SCML4: variants seen among roughly 807,000 people sequenced by gnomAD.
The protein encoded by SCML4 is Scm polycomb group protein like 4, also known as sex comb on midleg-like protein 4.
Under a neutral mutation model 41.1 loss-of-function variants are expected in SCML4, and 34 were observed. That is an observed-to-expected ratio of 0.83 (90% CI 0.63 to 1.10). SCML4 has a LOEUF of 1.10. SCML4 is among the 50% of genes least tolerant of loss of function. The probability of loss-of-function intolerance (pLI) is 0.00; values close to 1 mark genes in which losing one functional copy is unlikely to be tolerated. For missense variants in SCML4, 522 were observed against 534.1 expected, an observed-to-expected ratio of 0.98 and a Z score of 0.22; for synonymous variants, 214 against 220.9, an observed-to-expected ratio of 0.97 and a Z score of 0.28.
At chr6:107,836,166 A>G in the SCML4 span, among the ~76,000 whole-genome samples, 32 of 152,176 alleles carry the variant, frequency 2.1e-4, no homozygotes, top group Non-Finnish European at 1.3e-4. Flanking sequence ...GTATTTTAGA[A>G]GAACAGAATA....
At chr6:107,705,385 T>C (rs757261818) in intron 7 of SCML4, 60 bp from the exon 8 acceptor site, 1 of 1,510,422 alleles carries the variant, frequency 6.6e-7, no homozygotes, top group Non-Finnish European at 9.0e-7. Flanking sequence ...CATCGAACAG[T>C]GGCTAAGGTT....
At chr6:107,813,568 A>G (rs1361439080) in intron 1 of SCML4, among the ~76,000 whole-genome samples, 1 of 151,606 alleles carries the variant, frequency 6.6e-6, no homozygotes, top group African/African-American at 2.4e-5. Flanking sequence ...TCTCATTTCA[A>G]TCTCTACCAA....
chr6:107,813,498 C>T (rs1053902575), intron 1 of SCML4, among the ~76,000 whole-genome samples: 1 of 147,118 alleles, frequency 6.8e-6, no homozygotes, highest in African/African-American at 2.5e-5. Flanking sequence ...TGACTGGATA[C>T]ATTTTGAAGC....
chr6:107,798,772 A>G (rs1048703869), intron 1 of SCML4, among the ~76,000 whole-genome samples: 2 of 152,052 alleles, frequency 1.3e-5, no homozygotes, highest in African/African-American at 4.8e-5. Flanking sequence ...CACATCCAAC[A>G]CATTTTAGTA....
At chr6:107,825,411 G>C (rs1353199262), upstream of SCML4, among the ~76,000 whole-genome samples, 1 of 152,206 alleles carries the variant, frequency 6.6e-6, no homozygotes, top group Non-Finnish European at 1.5e-5. Flanking sequence ...TATATGTGTA[G>C]AGTCACATTA....
At chr6:107,707,275 T>C (rs1773739731) in intron 7 of SCML4, among the ~76,000 whole-genome samples, 1 of 152,124 alleles carries the variant, frequency 6.6e-6, no homozygotes, top group African/African-American at 2.4e-5. Context: ...ACTACTGCAT[T>C]CCAGCCTGGG....
chr6:107,731,618 C>T, intron 5 of SCML4, among the ~76,000 whole-genome samples: 1 of 152,212 alleles, frequency 6.6e-6, no homozygotes, highest in East Asian at 1.9e-4. Flanking sequence ...TGCCTGACCC[C>T]TTTGCCGGTC....
chr6:107,751,133 T>A (rs1046139484), intron 2 of SCML4, among the ~76,000 whole-genome samples: 17 of 152,208 alleles, frequency 1.1e-4, no homozygotes, highest in Middle Eastern at 3.4e-3. Context: ...TGATATTCTG[T>A]TGGGGGGAGA....
chr6:107,795,672 C>T (rs554197696), intron 1 of SCML4, among the ~76,000 whole-genome samples: 70 of 152,204 alleles, frequency 4.6e-4, no homozygotes, highest in African/African-American at 1.4e-3. Flanking sequence ...GGGTTACAGG[C>T]GCGCACCACC....
In SCML4 at chr6:107,763,531, C is replaced by T. The variant is rs576243669; in HGVS notation, c.156+8641G>A. Among the ~76,000 whole-genome samples the T allele has an allele frequency of 1.7e-4, 26 of 152,150 alleles. No individual in the cohort carries two copies. The South Asian group carries it at 5.2e-3, about 30-fold the overall frequency. On this transcript the variant is annotated intron_variant, in intron 2 of 7. Transcript: ENST00000369020. ...CCTCCCAAGTAGCTGGGATTATGGG[C>T]ACCCGCCACCACACCCAGCTAATTT... is the stretch of plus-strand genomic sequence containing the variant.
intron 5 of SCML4, among the ~76,000 whole-genome samples, chr6:107,742,003 T>C (rs1345645950): frequency 6.6e-6 from 1 of 152,140 alleles, no homozygotes; most frequent in South Asian, 2.1e-4. Context: ...TTCAAAATAG[T>C]AGTTTTAAGG....
chr6:107,729,907 A>G (rs970595809), intron 5 of SCML4, among the ~76,000 whole-genome samples: 1 of 152,190 alleles, frequency 6.6e-6, no homozygotes, highest in African/African-American at 2.4e-5. Flanking sequence ...AGATTTTACA[A>G]TCTCCTTTAG....
chr6:107,754,940 T>C (rs1041251537), intron 2 of SCML4, among the ~76,000 whole-genome samples: 12 of 152,046 alleles, frequency 7.9e-5, no homozygotes, highest in Non-Finnish European at 1.8e-4. Context: ...TCTTTTGTAC[T>C]AAAAATTTTA....
intron 2 of SCML4, among the ~76,000 whole-genome samples, chr6:107,759,394 G>A (rs1213557428): frequency 2.7e-5 from 4 of 145,652 alleles, no homozygotes; most frequent in Non-Finnish European, 6.0e-5. Flanking sequence ...GAATGGATGG[G>A]GAAGTGGAGG....
intron 5 of SCML4, among the ~76,000 whole-genome samples, chr6:107,734,892 T>C (rs975566166): frequency 4.6e-5 from 7 of 152,188 alleles, no homozygotes; most frequent in African/African-American, 1.2e-4. Context: ...GTTGTGGTTT[T>C]TGAGAAGGAA....
At chr6:107,827,234 T>A (rs1785292608), upstream of SCML4, among the ~76,000 whole-genome samples, 1 of 147,276 alleles carries the variant, frequency 6.8e-6, no homozygotes, top group South Asian at 2.1e-4. Flanking sequence ...CTTTATATTT[T>A]TATTTAAATA....
intron 5 of SCML4, among the ~76,000 whole-genome samples, chr6:107,735,049 T>C (rs2049665): frequency 0.77 from 116,941 of 151,932 alleles, 45,362 homozygotes; most frequent in Admixed American, 0.83. Context: ...CTAAGTTTTG[T>C]ATTTTTAGTA....
At chr6:107,789,945 C>G (rs1782195088) in intron 1 of SCML4, among the ~76,000 whole-genome samples, 1 of 152,186 alleles carries the variant, frequency 6.6e-6, no homozygotes, top group African/African-American at 2.4e-5. Context: ...GACTTTAAGG[C>G]AAATATTATT....
At position 107,824,113 on chromosome 6, in the gene SCML4, G is replaced by T. The variant is rs1785141651; in HGVS notation, c.-60+13C>A. ...GTGTCAACGGCACGCCTCCAATTGT[G>T]CATCTCCCTTACCTACAGCTTGTTC... On this transcript the variant is annotated intron_variant, in intron 1 of 7. Transcript: ENST00000369020. The T allele has an allele frequency of 6.6e-6, 1 of 152,196 alleles. No homozygotes were observed. Among genetic ancestry groups the T allele is most frequent in the Non-Finnish European group, 1.5e-5 (1 of 68,048 alleles). 9.4% of individuals were successfully genotyped at this position (152,196 alleles called of 1,614,324 possible).
Sources: gnomAD v4.1 joint callset for allele counts (sites outside exome capture counted in the v4.1 genomes callset) on GRCh38, gnomAD v4.1.1 for gene constraint, MANE v1.5 for transcripts, NCBI Gene and HGNC (gene_info 2026-07-23, HGNC 2026-07-21) for gene names.